The following LZTFL1 variants were observed in gnomAD, a reference collection of about 807,000 sequenced individuals.
LZTFL1 encodes leucine zipper transcription factor-like protein 1.
A neutral mutation model predicts 45.9 loss-of-function variants in LZTFL1; 25 were observed. The ratio of observed to expected loss-of-function variants is 0.54; its 90% CI spans 0.40 to 0.76. The LOEUF (loss-of-function observed/expected upper bound fraction) is 0.76. Ranked by LOEUF, LZTFL1 falls within the 30% of genes least tolerant of loss-of-function variation. The pLI is 0.00. For missense variants in LZTFL1, 277 were observed against 331.1 expected (o/e 0.84, Z 1.27); for synonymous variants, 93 against 117.4 (o/e 0.79, Z 1.35).
Position 45,841,779 on chromosome 3 carries a change from A to G in LZTFL1, c.3+210T>C, listed in dbSNP as rs946373432. ...ATGCGGCGGAGCTGGGCTGCTGGGA[A>G]AAGGCTTCACCCAGGATTACCCCAG... On this transcript the variant is annotated intron_variant, in intron 1 of 9. Coordinates refer to ENST00000296135, the MANE Select transcript of LZTFL1 (RefSeq NM_020347.4). 2.1e-5 allele frequency: 13 copies of G among 629,288 alleles called. No individual in the cohort carries two copies. In the African/African-American group the frequency reaches 2.4e-4, roughly 12 times the overall value. 39.0% of individuals were successfully genotyped at this position (629,288 alleles called of 1,614,324 possible).
intron 2 of LZTFL1, chr3:45,897,653 TG>T: frequency 2.6e-6 from 4 of 1,513,188 alleles, no homozygotes; most frequent in Non-Finnish European, 3.5e-6. Flanking sequence ...CACAGCTAAG[TG>T]ATGCTGGCCT....
chr3:45,834,927 C>T (rs1440289932), intron 3 of LZTFL1: 1 of 152,818 alleles, frequency 6.5e-6, no homozygotes, highest in Non-Finnish European at 1.5e-5. Context: ...TCCTCCCCAG[C>T]TCATAGGTTG....
chr3:45,901,869 G>C lies in LZTFL1; in HGVS notation c.-215+11251C>G. The C allele has an allele frequency of 6.2e-7, 1 of 1,607,706 alleles. No homozygotes were observed. The highest frequency in any genetic ancestry group is 8.5e-7 in the Non-Finnish European group (1 of 1,175,080). On this transcript the variant is annotated intron_variant, in intron 2 of 4. Coordinates refer to the LZTFL1 transcript ENST00000472635. The surrounding 1 kb of genome is among the most constrained non-coding windows in gnomAD (Gnocchi z 4.3). ...CTTGAAGCTGTCGTCTATGTTGCTG[G>C]AGACAACCTCAGGAGCACTCTCCCT... is the stretch of plus-strand genomic sequence containing the variant.
At position 45,825,022 on chromosome 3, in the gene LZTFL1, T is replaced by C; in HGVS notation, c.*1292A>G. On this transcript the variant is annotated 3_prime_UTR_variant, in exon 10 of 10. Coordinates refer to ENST00000296135, the MANE Select transcript of LZTFL1 (RefSeq NM_020347.4). ...TATCTTACCCTTTAACATTTGTTCC[T>C]TCACTATTTTAACAAAAAGCCTATA... The C allele has an allele frequency of 2.5e-6, 1 of 397,242 alleles. No homozygotes were observed. The highest frequency in any genetic ancestry group is 4.4e-6 in the Non-Finnish European group (1 of 225,112). The allele number at this position is 397,242 out of a possible 1,614,324, so 24.6% of individuals were successfully genotyped here.
At chr3:45,831,870 C>T (rs914841097) in intron 5 of LZTFL1, among the ~76,000 whole-genome samples, 1 of 152,210 alleles carries the variant, frequency 6.6e-6, no homozygotes, top group Non-Finnish European at 1.5e-5. Context: ...CCCAGTATGA[C>T]ACCTGTAGCA....
intron 2 of LZTFL1, among the ~76,000 whole-genome samples, chr3:45,862,102 T>C (rs1482766917): frequency 6.6e-6 from 1 of 152,224 alleles, no homozygotes; most frequent in African/African-American, 2.4e-5. Context: ...ACCTGATATA[T>C]ATGTGAGGCA....
rs545002966 is a variant in LZTFL1, at chr3:45,825,770, G to A, written c.*544C>T. On this transcript the variant is annotated 3_prime_UTR_variant, in exon 10 of 10. Transcript: ENST00000296135. ...AAATTTTCCTTATAATTGGTAAAAAGGCTACCCATAATAGAATTCACATTT... is the reference window on the plus strand; with the variant it reads ...AAATTTTCCTTATAATTGGTAAAAAAGCTACCCATAATAGAATTCACATTT... 1 of 152,326 alleles carries A rather than the reference G, an allele frequency of 6.6e-6. No individual in the cohort carries two copies. Among genetic ancestry groups the A allele is most frequent in the East Asian group, 1.9e-4 (1 of 5,178 alleles). 9.4% of individuals were successfully genotyped at this position (152,326 alleles called of 1,614,324 possible).
intron 3 of LZTFL1, chr3:45,835,105 A>G (rs1366944232): frequency 6.6e-6 from 1 of 152,488 alleles, no homozygotes; most frequent in Non-Finnish European, 1.5e-5. Context: ...GAGCTCTTAG[A>G]TGTCCATATT....
chr3:45,882,572 GT>G (rs1701878939), intron 2 of LZTFL1, among the ~76,000 whole-genome samples: 1 of 152,152 alleles, frequency 6.6e-6, no homozygotes, highest in African/African-American at 2.4e-5. Flanking sequence ...GCCAGAGACT[GT>G]GCTAGATACT....
At chr3:45,910,596 G>A (rs1395802039) in intron 2 of LZTFL1, among the ~76,000 whole-genome samples, 3 of 152,202 alleles carry the variant, frequency 2.0e-5, no homozygotes, top group East Asian at 3.8e-4. Context: ...AATGGGAAGT[G>A]AGGATGTGGA....
intron 4 of LZTFL1, among the ~76,000 whole-genome samples, chr3:45,851,157 C>G (rs1053016878): frequency 1.3e-5 from 2 of 152,122 alleles, no homozygotes; most frequent in Non-Finnish European, 2.9e-5. Context: ...CACCAACTCT[C>G]TGACCACTGC....
At chr3:45,869,859 G>A (rs1213064135) in intron 2 of LZTFL1, among the ~76,000 whole-genome samples, 1 of 152,222 alleles carries the variant, frequency 6.6e-6, no homozygotes, top group East Asian at 1.9e-4. Flanking sequence ...CAATCCTCTG[G>A]TTTAAAACTA....
At position 45,824,454 on chromosome 3, in the gene LZTFL1, A is replaced by G. The variant is rs945220956; in HGVS notation, c.*1860T>C. ...AAGAATCATCACGTTGATTTACGTC[A>G]AAGAACATCATATTTGTTTATCTTA... On this transcript the variant is annotated 3_prime_UTR_variant, in exon 10 of 10. Transcript: ENST00000296135. 1 of 178,954 alleles carries G rather than the reference A, an allele frequency of 5.6e-6. No individual in the cohort carries two copies. The highest frequency in any genetic ancestry group is 1.2e-5 in the Non-Finnish European group (1 of 86,178). The allele number at this position is 178,954 out of a possible 1,614,324, so 11.1% of individuals were successfully genotyped here. A position where few individuals can be genotyped will look rare whatever the true frequency, so the allele number is the denominator to read the frequency against.
chr3:45,913,299 C>A, intron 1 of LZTFL1: 1 of 712,522 alleles, frequency 1.4e-6, no homozygotes, highest in Non-Finnish European at 2.3e-6. Context: ...ACCTAAAGAT[C>A]CTTAACTTTT....
intron 2 of LZTFL1, among the ~76,000 whole-genome samples, chr3:45,875,272 A>T (rs1701731878): frequency 6.6e-6 from 1 of 152,168 alleles, no homozygotes. Context: ...AGTATTTAGA[A>T]TAGTGTCTGA....
chr3:45,865,142 C>T (rs1415082392), intron 2 of LZTFL1, among the ~76,000 whole-genome samples: 4 of 152,162 alleles, frequency 2.6e-5, no homozygotes, highest in East Asian at 1.9e-4. Flanking sequence ...CCAGATCCAC[C>T]GAAAGAAATG....
At chr3:45,861,438 A>G (rs1701489752) in intron 2 of LZTFL1, among the ~76,000 whole-genome samples, 1 of 152,192 alleles carries the variant, frequency 6.6e-6, no homozygotes, top group South Asian at 2.1e-4. Flanking sequence ...TTATTCCTGA[A>G]AGGTTTTTCT....
At chr3:45,862,494 C>A (rs1701507016) in intron 2 of LZTFL1, among the ~76,000 whole-genome samples, 1 of 152,202 alleles carries the variant, frequency 6.6e-6, no homozygotes, top group Non-Finnish European at 1.5e-5. Flanking sequence ...CATTATCCTC[C>A]TCAGGAGTGA....
At chr3:45,843,579 G>A (rs1701169460), upstream of LZTFL1, among the ~76,000 whole-genome samples, 1 of 152,232 alleles carries the variant, frequency 6.6e-6, no homozygotes, top group Non-Finnish European at 1.5e-5. Context: ...AAAGGAGCGT[G>A]TGTATAATGC....
Sources: allele counts gnomAD v4.1 joint callset (sites outside exome capture counted in the v4.1 genomes callset), GRCh38; gene constraint gnomAD v4.1.1; non-coding constraint Gnocchi (gnomAD v3.1); transcripts MANE v1.5; gene names NCBI Gene and HGNC (gene_info 2026-07-23, HGNC 2026-07-21).